Variants in NAV3 observed in about 807,000 individuals in gnomAD.
The protein encoded by NAV3 is neuron navigator 3, also known as pore membrane and/or filament interacting like protein 1.
Under a neutral mutation model 244.7 loss-of-function variants are expected in NAV3, and 87 were observed. That is an observed-to-expected ratio of 0.36 (90% CI 0.30 to 0.42). The LOEUF is 0.42. Ranked by LOEUF, NAV3 falls within the 20% of genes least tolerant of loss-of-function variation. The pLI is 1.00. For synonymous variants in NAV3, 1,126 were observed against 1,042.2 expected, an observed-to-expected ratio of 1.08 and a Z score of -1.55; for missense variants, 2,663 against 2,893.3, an observed-to-expected ratio of 0.92 and a Z score of 1.83.
intron 12 of NAV3, among the ~76,000 whole-genome samples, chr12:78,097,297 C>T (rs1000226622): frequency 1.3e-5 from 2 of 152,182 alleles, no homozygotes; most frequent in Non-Finnish European, 2.9e-5. Flanking sequence ...GTCTTCTCTT[C>T]TATATCCATG....
chr12:78,049,076 G>A (rs996212681), intron 9 of NAV3, among the ~76,000 whole-genome samples: 2 of 152,158 alleles, frequency 1.3e-5, no homozygotes, highest in Non-Finnish European at 2.9e-5. Flanking sequence ...CCCCCACCAA[G>A]CTCCAGGGTC....
intron 1 of NAV3, among the ~76,000 whole-genome samples, chr12:77,890,345 A>G (rs1883786814): frequency 6.6e-6 from 1 of 152,014 alleles, no homozygotes; most frequent in African/African-American, 2.4e-5. Context: ...CAAACTCCTT[A>G]GCTCAAGCAA....
chr12:78,025,969 T>A (rs888317921), intron 9 of NAV3, among the ~76,000 whole-genome samples: 12 of 152,096 alleles, frequency 7.9e-5, no homozygotes, highest in Admixed American at 4.6e-4. Flanking sequence ...AGATAATCCT[T>A]TATAGCGTCA....
intron 2 of NAV3, among the ~76,000 whole-genome samples, chr12:77,734,616 T>G (rs1877261734): frequency 6.6e-6 from 1 of 152,154 alleles, no homozygotes; most frequent in African/African-American, 2.4e-5. Context: ...CCTCAAAATC[T>G]GCATGCAATA....
intron 4 of NAV3, among the ~76,000 whole-genome samples, chr12:77,967,822 A>T (rs1036106710): frequency 6.6e-6 from 1 of 152,142 alleles, no homozygotes; most frequent in Non-Finnish European, 1.5e-5. Context: ...CAATTATGTT[A>T]TCTGACGTAA....
chr12:77,680,480 TG>T (rs1874400975), intron 2 of NAV3, among the ~76,000 whole-genome samples: 1 of 152,174 alleles, frequency 6.6e-6, no homozygotes, highest in South Asian at 2.1e-4. Context: ...GAGTTGTGAA[TG>T]GGTTAGTAAG....
intron 2 of NAV3, among the ~76,000 whole-genome samples, chr12:77,706,493 A>T (rs907352207): frequency 6.6e-6 from 1 of 151,342 alleles, no homozygotes; most frequent in Non-Finnish European, 1.5e-5. Flanking sequence ...AATGTCTGCC[A>T]GTTGGTAAGT....
intron 2 of NAV3, among the ~76,000 whole-genome samples, chr12:77,674,463 G>C (rs1271187800): frequency 6.6e-6 from 1 of 151,780 alleles, no homozygotes; most frequent in Non-Finnish European, 1.5e-5. Context: ...GCTCACTGTA[G>C]CCTCAACCTC....
chr12:78,024,639 T>C (rs73348611), intron 9 of NAV3, among the ~76,000 whole-genome samples: 9,611 of 152,172 alleles, frequency 0.063, 976 homozygotes, highest in African/African-American at 0.22. Flanking sequence ...AATCACTTAT[T>C]TTAGGCCATA....
chr12:77,764,722 T>C (rs1470142390), intron 2 of NAV3, among the ~76,000 whole-genome samples: 1 of 152,264 alleles, frequency 6.6e-6, no homozygotes, highest in African/African-American at 2.4e-5. Flanking sequence ...TTAACTATTT[T>C]ACTCTCTTGT....
intron 2 of NAV3, among the ~76,000 whole-genome samples, chr12:77,763,656 G>C (rs1196106199): frequency 6.6e-6 from 1 of 152,204 alleles, no homozygotes; most frequent in Non-Finnish European, 1.5e-5. Flanking sequence ...ATTTTGTGTA[G>C]TTCTCTGAAG....
At chr12:77,971,217 C>A (rs1024138242) in intron 5 of NAV3, among the ~76,000 whole-genome samples, 4 of 152,038 alleles carry the variant, frequency 2.6e-5, no homozygotes, top group African/African-American at 9.7e-5. Context: ...GAAAAGTATT[C>A]TTTTCAACAG....
At chr12:77,653,892 GA>G (rs1872942836) in intron 2 of NAV3, among the ~76,000 whole-genome samples, 3 of 151,930 alleles carry the variant, frequency 2.0e-5, no homozygotes, top group South Asian at 4.1e-4. Context: ...GACAAGTAAT[GA>G]AAAAAATTCT....
At chr12:78,028,025 T>C (rs1233513360) in intron 9 of NAV3, among the ~76,000 whole-genome samples, 1 of 152,090 alleles carries the variant, frequency 6.6e-6, no homozygotes, top group Non-Finnish European at 1.5e-5. Flanking sequence ...GACTGTGGTG[T>C]AAGTGGGAAA....
At chr12:77,953,762 C>T (rs17044596) in intron 3 of NAV3, among the ~76,000 whole-genome samples, 12,167 of 152,152 alleles carry the variant, frequency 0.08, 614 homozygotes, top group Non-Finnish European at 0.11. Context: ...AATCACAGTT[C>T]GAGGAAAAGG....
chr12:77,968,943 G>A (rs1033413948), intron 5 of NAV3, among the ~76,000 whole-genome samples: 6 of 152,236 alleles, frequency 3.9e-5, no homozygotes, highest in African/African-American at 1.4e-4. Flanking sequence ...CTGTATCACA[G>A]TGTGAAATGT....
chr12:77,757,687 A>T (rs1363108169), intron 2 of NAV3, among the ~76,000 whole-genome samples: 2 of 152,202 alleles, frequency 1.3e-5, no homozygotes, highest in Non-Finnish European at 2.9e-5. Flanking sequence ...TTTTTAAGTA[A>T]GAGAGATATG....
intron 2 of NAV3, among the ~76,000 whole-genome samples, chr12:77,762,615 A>G (rs572355433): frequency 1.1e-4 from 17 of 152,068 alleles, no homozygotes; most frequent in Admixed American, 2.6e-4. Flanking sequence ...AAAGAAAAAA[A>G]AAAATTAAAA....
chr12:77,834,554 ACT>A (rs1425324689), intron 1 of NAV3, among the ~76,000 whole-genome samples: 1 of 152,200 alleles, frequency 6.6e-6, no homozygotes, highest in Non-Finnish European at 1.5e-5. Context: ...AGAGAGAGAC[ACT>A]GTCTCTGCTG....
Sources: gnomAD v4.1 joint callset for allele counts (sites outside exome capture counted in the v4.1 genomes callset) on GRCh38, gnomAD v4.1.1 for gene constraint, MANE v1.5 for transcripts, NCBI Gene and HGNC (gene_info 2026-07-23, HGNC 2026-07-21) for gene names.